PTPRD: variants seen among roughly 807,000 people sequenced by gnomAD.
PTPRD encodes protein tyrosine phosphatase receptor type D.
A neutral mutation model predicts 214.5 loss-of-function variants in PTPRD; 34 were observed. The ratio of observed to expected loss-of-function variants is 0.16; its 90% CI spans 0.12 to 0.21. The LOEUF (loss-of-function observed/expected upper bound fraction) is 0.21. PTPRD is among the 10% of genes least tolerant of loss of function. The pLI, the probability that PTPRD is intolerant of heterozygous loss-of-function variation, is 1.00. For synonymous variants in PTPRD, 1,128 were observed against 845.7 expected, an observed-to-expected ratio of 1.33 and a Z score of -5.79; for missense variants, 2,545 against 2,398.7, an observed-to-expected ratio of 1.06 and a Z score of -1.27.
chr9:10,126,821 C>T (rs970498195), intron 3 of PTPRD, among the ~76,000 whole-genome samples: 6 of 152,044 alleles, frequency 3.9e-5, no homozygotes, highest in African/African-American at 9.7e-5. Flanking sequence ...TCAAGCTTGA[C>T]GAAACTGTAC....
At chr9:9,438,646 A>G (rs2086265953) in intron 8 of PTPRD, among the ~76,000 whole-genome samples, 1 of 152,204 alleles carries the variant, frequency 6.6e-6, no homozygotes, top group Non-Finnish European at 1.5e-5. Flanking sequence ...ATGATTGCTA[A>G]TTATTCACTA....
intron 27 of PTPRD, among the ~76,000 whole-genome samples, chr9:8,486,689 A>G (rs1053711292): frequency 1.3e-5 from 2 of 152,256 alleles, no homozygotes; most frequent in African/African-American, 4.8e-5. Context: ...AGATCAGCCA[A>G]TTAGATATGG....
intron 11 of PTPRD, among the ~76,000 whole-genome samples, chr9:8,891,668 C>T (rs1049590666): frequency 6.6e-6 from 1 of 152,072 alleles, no homozygotes; most frequent in African/African-American, 2.4e-5. Flanking sequence ...GCGATGGAGG[C>T]AGGATATACT....
At chr9:9,385,738 C>T (rs1321472986) in intron 9 of PTPRD, among the ~76,000 whole-genome samples, 1 of 152,132 alleles carries the variant, frequency 6.6e-6, no homozygotes, top group African/African-American at 2.4e-5. Context: ...ATTTAATATA[C>T]ATTAACTCAT....
intron 11 of PTPRD, among the ~76,000 whole-genome samples, chr9:8,925,542 A>G (rs1276624320): frequency 6.6e-6 from 1 of 151,946 alleles, no homozygotes; most frequent in Non-Finnish European, 1.5e-5. Context: ...ACCAACTACA[A>G]GTTGCTAAGC....
chr9:9,333,606 G>C (rs557806062), intron 9 of PTPRD, among the ~76,000 whole-genome samples: 1 of 150,050 alleles, frequency 6.7e-6, no homozygotes, highest in East Asian at 2.0e-4. Flanking sequence ...AAAAGCACTG[G>C]TCTGGAAATG....
chr9:10,196,724 C>G (rs1444582240), intron 3 of PTPRD, among the ~76,000 whole-genome samples: 1 of 152,050 alleles, frequency 6.6e-6, no homozygotes, highest in Non-Finnish European at 1.5e-5. Flanking sequence ...ATACATAAAA[C>G]AAACAAACAT....
chr9:9,255,575 C>T (rs2099977372), intron 9 of PTPRD, among the ~76,000 whole-genome samples: 1 of 152,000 alleles, frequency 6.6e-6, no homozygotes, highest in South Asian at 2.1e-4. Context: ...TAAGTGATTA[C>T]ATAAGTGTAA....
intron 5 of PTPRD, among the ~76,000 whole-genome samples, chr9:9,802,680 G>A (rs1245659195): frequency 1.3e-5 from 2 of 151,578 alleles, no homozygotes; most frequent in Non-Finnish European, 2.9e-5. Context: ...TCCATACCCA[G>A]TATCCAGAAT....
At chr9:9,762,272 TC>T (rs1258615098) in intron 6 of PTPRD, among the ~76,000 whole-genome samples, 8 of 152,236 alleles carry the variant, frequency 5.3e-5, no homozygotes, top group South Asian at 4.1e-4. Context: ...CTTCACTTTG[TC>T]CCATCTTTGT....
intron 9 of PTPRD, among the ~76,000 whole-genome samples, chr9:9,282,267 C>G (rs989920872): frequency 1.3e-5 from 2 of 151,042 alleles, no homozygotes; most frequent in Admixed American, 1.3e-4. Flanking sequence ...TTGATGCTAC[C>G]AAATGTACCA....
chr9:8,636,688 G>C lies in PTPRD; in HGVS notation c.210+11C>G. 6.2e-7 allele frequency: 1 copy of C among 1,613,292 alleles called. No individual in the cohort carries two copies. The highest frequency in any genetic ancestry group is 8.5e-7 in the Non-Finnish European group (1 of 1,179,362). ...TCTTCCCCCAGAGAAACAGAACAAT[G>C]GACCTAATACCTCAAATCTCTGATT... On this transcript the variant is annotated intron_variant, in intron 13 of 45. Transcript: ENST00000381196.
At chr9:9,582,311 T>C (rs2091007576) in intron 7 of PTPRD, among the ~76,000 whole-genome samples, 1 of 151,704 alleles carries the variant, frequency 6.6e-6, no homozygotes, top group Non-Finnish European at 1.5e-5. Flanking sequence ...ATGTTCCTCT[T>C]TGTCCCTCCG....
At chr9:8,333,471 G>A (rs10758956) in intron 43 of PTPRD, among the ~76,000 whole-genome samples, 74,144 of 151,926 alleles carry the variant, frequency 0.49, 21,034 homozygotes, top group Non-Finnish European at 0.64. Flanking sequence ...ATAAGCAAAG[G>A]AGAAATAAAA....
chr9:9,381,546 G>A (rs1369617066), intron 9 of PTPRD, among the ~76,000 whole-genome samples: 2 of 151,676 alleles, frequency 1.3e-5, no homozygotes, highest in East Asian at 3.9e-4. Flanking sequence ...TTTTTGTAGA[G>A]ACAGGGTTTC....
intron 7 of PTPRD, among the ~76,000 whole-genome samples, chr9:9,664,050 T>C (rs1253293987): frequency 1.4e-5 from 2 of 144,752 alleles, no homozygotes; most frequent in Non-Finnish European, 3.0e-5. Context: ...AAATAGACTG[T>C]ATCAATATCT....
At chr9:8,658,671 GA>G (rs35547116) in intron 12 of PTPRD, among the ~76,000 whole-genome samples, 25,593 of 122,006 alleles carry the variant, frequency 0.21, 2,419 homozygotes, top group South Asian at 0.32. Context: ...AGCACATTTG[GA>G]AAAAAAAAAA....
At chr9:10,052,860 T>A (rs2097559094) in intron 3 of PTPRD, among the ~76,000 whole-genome samples, 1 of 152,164 alleles carries the variant, frequency 6.6e-6, no homozygotes, top group Non-Finnish European at 1.5e-5. Context: ...TCCATTCCTA[T>A]GGCAAAGACA....
At chr9:8,485,139 G>T in intron 29 of PTPRD, 88 bp downstream of exon 29, 2 of 1,085,042 alleles carry the variant, frequency 1.8e-6, no homozygotes, top group Non-Finnish European at 2.7e-6. Context: ...AAAACAAAGT[G>T]GTCTGCTTGC....
Sources: gnomAD v4.1 joint callset for allele counts (sites outside exome capture counted in the v4.1 genomes callset) on GRCh38, gnomAD v4.1.1 for gene constraint, MANE v1.5 for transcripts, NCBI Gene and HGNC (gene_info 2026-07-23, HGNC 2026-07-21) for gene names.